The following TTYH2 variants were observed in gnomAD, a reference collection of about 807,000 sequenced individuals.
TTYH2 encodes protein tweety homolog 2.
Under a neutral mutation model 68.3 loss-of-function variants are expected in TTYH2, and 49 were observed. That is an observed-to-expected ratio of 0.72 (90% CI 0.57 to 0.91). The LOEUF is 0.91. TTYH2 is among the 40% of genes least tolerant of loss of function. The pLI, the probability that TTYH2 is intolerant of heterozygous loss-of-function variation, is 0.00. For synonymous variants in TTYH2, 272 were observed against 300.8 expected (o/e 0.90, Z 0.99); for missense variants, 631 against 700.4 (o/e 0.90, Z 1.12).
chr17:74,222,476 C>G lies in TTYH2; in HGVS notation c.130-9C>G, dbSNP rs978971334. 37 of 1,605,562 alleles carry G rather than the reference C, an allele frequency of 2.3e-5. No individual in the cohort carries two copies. The highest frequency in any genetic ancestry group is 3.1e-5 in the Non-Finnish European group (37 of 1,178,262). On this transcript the variant is annotated splice_polypyrimidine_tract_variant and intron_variant, in intron 1 of 13. Transcript: ENST00000269346. This position sits in a 1 kb window ranked among gnomAD's most constrained non-coding sequence, Gnocchi z 5.2. ...TGAAGAGTGACAACAGGCCTCTGCT[C>G]TCTTCCAGTCGCTGCTGTTCCTGGG...
intron 6 of TTYH2, among the ~76,000 whole-genome samples, chr17:74,247,457 T>C (rs1234580625): frequency 1.3e-5 from 2 of 152,024 alleles, no homozygotes; most frequent in Admixed American, 6.6e-5. Context: ...TATGCACCTA[T>C]CCCAGGAGAT....
intron 13 of TTYH2, 138 bp from the exon 14 acceptor site, chr17:74,259,991 A>G: frequency 6.8e-6 from 5 of 732,526 alleles, no homozygotes; most frequent in Non-Finnish European, 9.7e-6. Flanking sequence ...AGAAGTCTTG[A>G]TGGATGTGGG....
chr17:74,252,331 C>A lies in TTYH2; in HGVS notation c.1214C>A (p.Thr405Asn). ...TTCCTGGCCGCCCTCGCCTTCTCCACCATGATCTGTGCAGGGCCAAGGGCC... is the reference window on the plus strand; with the variant it reads ...TTCCTGGCCGCCCTCGCCTTCTCCAACATGATCTGTGCAGGGCCAAGGGCC... ...FSFLAALAFS[T>N]MICAGPRAWK... Residue 405 changes from threonine to asparagine, a missense_variant, in exon 11 of 14, where the codon ACC becomes AAC. Coordinates refer to ENST00000269346, the MANE Select transcript of TTYH2 (RefSeq NM_032646.6). 1 of 1,614,000 alleles carries A rather than the reference C, an allele frequency of 6.2e-7. No individual in the cohort carries two copies. Among genetic ancestry groups the A allele is most frequent in the South Asian group, 1.1e-5 (1 of 91,086 alleles).
At position 74,243,850 on chromosome 17, in the gene TTYH2, C is replaced by T. The variant is rs184705360; in HGVS notation, c.732-127C>T. The T allele has an allele frequency of 1.3e-4, 110 of 845,678 alleles. 1 individual carries two copies. The East Asian group carries it at 2.1e-3, about 16-fold the overall frequency. The allele number at this position is 845,678 out of a possible 1,614,324, so 52.4% of individuals were successfully genotyped here. On this transcript the variant is annotated intron_variant, in intron 5 of 13. Coordinates refer to ENST00000269346, the MANE Select transcript of TTYH2 (RefSeq NM_032646.6). The stretch of plus-strand genomic sequence containing the variant: ...GTCCTTTCCTAGTAGTGAGCAGGGC[C>T]CACGTCAGGGCAGGGACTGAGGCTG...
chr17:74,253,319 G>C, intron 12 of TTYH2, 53 bp downstream of exon 12: 1 of 1,516,526 alleles, frequency 6.6e-7, no homozygotes, highest in South Asian at 1.3e-5. Flanking sequence ...ACAGCATGTT[G>C]GGTGGGGTCC....
intron 12 of TTYH2, 38 bp downstream of exon 12, chr17:74,253,304 C>A: frequency 6.5e-7 from 1 of 1,530,594 alleles, no homozygotes; most frequent in Non-Finnish European, 8.7e-7. Flanking sequence ...GGTAGCACTG[C>A]CCGGACAGCA....
intron 1 of TTYH2, among the ~76,000 whole-genome samples, chr17:74,218,671 G>A (rs73995083): frequency 0.043 from 6,508 of 152,282 alleles, 403 homozygotes; most frequent in African/African-American, 0.13. Context: ...AGCGGCTGCC[G>A]AAGGGGGAGA....
At chr17:74,244,119 C>CACCAG (rs2050531630) in intron 6 of TTYH2, 70 bp downstream of exon 6, 1 of 1,463,280 alleles carries the variant, frequency 6.8e-7, no homozygotes, top group Admixed American at 1.7e-5. Flanking sequence ...TGTCTCCAAG[C>CACCAG]AGGGCCAGCT....
intron 2 of TTYH2, among the ~76,000 whole-genome samples, chr17:74,230,302 G>A (rs544313017): frequency 5.3e-5 from 8 of 151,260 alleles, no homozygotes; most frequent in South Asian, 2.1e-4. Flanking sequence ...ACTACGTTGC[G>A]CAGGCTGGTC....
chr17:74,237,852 C>T (rs1344889965), intron 4 of TTYH2, among the ~76,000 whole-genome samples: 2 of 152,096 alleles, frequency 1.3e-5, no homozygotes, highest in Admixed American at 1.3e-4. Flanking sequence ...GCTAGTCTCT[C>T]GAGCTCCTGG....
chr17:74,252,295 G>T lies in TTYH2; in HGVS notation c.1178G>T (p.Gly393Val). 1 of 1,613,808 alleles carries T rather than the reference G, an allele frequency of 6.2e-7. No individual in the cohort carries two copies. Among genetic ancestry groups the T allele is most frequent in the Non-Finnish European group, 8.5e-7 (1 of 1,180,034 alleles). The change falls in exon 11 of 14, where the codon GGC (glycine) becomes GTC (valine). Residue 393 changes from glycine (G) to valine (V), a missense_variant. Gly to Val is a moderately radical substitution (Grantham distance 109). Coordinates refer to ENST00000269346, the MANE Select transcript of TTYH2 (RefSeq NM_032646.6). Reference protein sequence around the residue: ...YDGLQGLLYLGLFSFLAALAF... With the variant: ...YDGLQGLLYLVLFSFLAALAF... ...GGCCTCCAGGGCTTGCTGTACCTTG[G>T]CCTCTTCTCCTTCCTGGCCGCCCTC...
chr17:74,217,445 C>A lies in TTYH2; in HGVS notation c.129+3729C>A, dbSNP rs1473177448. On this transcript the variant is annotated intron_variant, in intron 1 of 13. Coordinates refer to ENST00000269346, the MANE Select transcript of TTYH2 (RefSeq NM_032646.6). The surrounding 1 kb of genome is among the most constrained non-coding windows in gnomAD (Gnocchi z 4.0). ...TGGGGACTGGACCGGAACTACAGGA[C>A]TTCCTGCTTCTGACCTGGGGGCAGG... Among the ~76,000 whole-genome samples, 1 of 152,226 alleles carries A rather than the reference C, an allele frequency of 6.6e-6. No homozygotes were observed. Among genetic ancestry groups the A allele is most frequent in the Non-Finnish European group, 1.5e-5 (1 of 68,040 alleles).
chr17:74,244,116 A>C, intron 6 of TTYH2, 67 bp downstream of exon 6: 2 of 1,478,566 alleles, frequency 1.4e-6, no homozygotes, highest in Non-Finnish European at 1.9e-6. Flanking sequence ...GTGTGTCTCC[A>C]AGCAGGGCCA....
At position 74,215,513 on chromosome 17, in the gene TTYH2, G is replaced by T; in HGVS notation, c.129+1797G>T. On this transcript the variant is annotated intron_variant, in intron 1 of 13. Transcript: ENST00000269346. The surrounding 1 kb of genome is among the most constrained non-coding windows in gnomAD (Gnocchi z 4.3). The stretch of plus-strand genomic sequence containing the variant: ...CAGGATTCTGGCCCCGGCTCACTTT[G>T]TGCTGGGCATCAAATGGTTCCAGAG... 1 of 963,982 alleles carries T rather than the reference G, an allele frequency of 1.0e-6. No individual in the cohort carries two copies. Among genetic ancestry groups the T allele is most frequent in the East Asian group, 2.6e-5 (1 of 37,766 alleles). 59.7% of individuals were successfully genotyped at this position (963,982 alleles called of 1,614,324 possible).
chr17:74,258,573 G>A (rs1208688808), intron 13 of TTYH2, among the ~76,000 whole-genome samples: 1 of 152,076 alleles, frequency 6.6e-6, no homozygotes, highest in Non-Finnish European at 1.5e-5. Flanking sequence ...GGCCGGAGAT[G>A]TGCGTGTCTG....
intron 1 of TTYH2, among the ~76,000 whole-genome samples, chr17:74,221,172 C>T (rs1174918617): frequency 6.6e-6 from 1 of 152,156 alleles, no homozygotes; most frequent in Non-Finnish European, 1.5e-5. Flanking sequence ...CTGGGCTGCC[C>T]CCATCACTTC....
rs2050236144 is a variant in TTYH2 at position 74,217,851 on chromosome 17, A to C, written c.129+4135A>C. Reference sequence around the variant, plus strand: ...TGGGTTTTTCATGACACAGTGACAAATCAGAAATAATTGAAGTCCCTTTGA... The same window carrying C: ...TGGGTTTTTCATGACACAGTGACAACTCAGAAATAATTGAAGTCCCTTTGA... On this transcript the variant is annotated intron_variant, in intron 1 of 13. Transcript: ENST00000269346. This position sits in a 1 kb window ranked among gnomAD's most constrained non-coding sequence, Gnocchi z 4.0. Among the ~76,000 whole-genome samples, 1 of 152,174 alleles carries C rather than the reference A, an allele frequency of 6.6e-6. No individual in the cohort carries two copies. Among genetic ancestry groups the C allele is most frequent in the Non-Finnish European group, 1.5e-5 (1 of 68,040 alleles).
chr17:74,249,069 A>C lies in TTYH2; in HGVS notation c.863A>C (p.Gln288Pro). The C allele has an allele frequency of 6.2e-7, 1 of 1,614,194 alleles. No homozygotes were observed. The highest frequency in any genetic ancestry group is 8.5e-7 in the Non-Finnish European group (1 of 1,180,020). ...DTFILNVTEG[Q>P]ISTEVTRYYL... ...TTCATCCTGAACGTCACGGAGGGCC[A>C]GATCAGCACAGGTAACTACACACTC... The change falls in exon 7 of 14, where the codon CAG (glutamine) becomes CCG (proline). Residue 288 changes from glutamine to proline, a missense_variant. Gln to Pro is a moderately conservative substitution (Grantham distance 76). Transcript: ENST00000269346.
At position 74,213,686 on chromosome 17, in the gene TTYH2, C is replaced by G. The variant is rs1441211557; in HGVS notation, c.99C>G (p.Thr33=). The change falls in exon 1 of 14, where the codon ACC becomes ACG. Residue 33 remains threonine (T), a synonymous_variant. Coordinates refer to ENST00000269346, the MANE Select transcript of TTYH2 (RefSeq NM_032646.6). This position sits in a 1 kb window ranked among gnomAD's most constrained non-coding sequence, Gnocchi z 6.1. ...TGCGCCTGCAGCCCGTGAACAGCAC[C>G]TTCAGCCCCGGCGACGAGAGTTACC... ...VGLRLQPVNS[T]FSPGDESYQE... 1 of 1,612,626 alleles carries G rather than the reference C, an allele frequency of 6.2e-7. No homozygotes were observed. The highest frequency in any genetic ancestry group is 8.5e-7 in the Non-Finnish European group (1 of 1,179,556).
Sources: allele counts gnomAD v4.1 joint callset (sites outside exome capture counted in the v4.1 genomes callset), GRCh38; gene constraint gnomAD v4.1.1; non-coding constraint Gnocchi (gnomAD v3.1); transcripts MANE v1.5; gene names NCBI Gene and HGNC (gene_info 2026-07-23, HGNC 2026-07-21).